The following ACACA variants were observed in gnomAD, a reference collection of about 807,000 sequenced individuals.
ACACA encodes acetyl-CoA carboxylase 1.
In ACACA, 103 loss-of-function variants were observed where a neutral mutation model predicts 296.1. That is an observed-to-expected ratio of 0.35 (90% CI 0.30 to 0.41). The LOEUF (loss-of-function observed/expected upper bound fraction) is 0.41. Ranked by LOEUF, ACACA falls within the 10% of genes least tolerant of loss-of-function variation. The probability of loss-of-function intolerance (pLI) is 1.00; values close to 1 mark genes in which losing one functional copy is unlikely to be tolerated. For missense variants in ACACA, 1,554 were observed against 2,989.7 expected, an observed-to-expected ratio of 0.52 and a Z score of 11.20; for synonymous variants, 953 against 1,038.6, an observed-to-expected ratio of 0.92 and a Z score of 1.58.
chr17:37,370,802 G>A lies in ACACA; in HGVS notation c.39-30952C>T, dbSNP rs958758903. ...AGTTCGAGACCAGGCCGGCCAACAT[G>A]GCGAAACCCCGTCTCTACTAAAAAT... is the stretch of plus-strand genomic sequence containing the variant. On this transcript the variant is annotated intron_variant, in intron 1 of 55. Coordinates refer to ENST00000616317, the MANE Select transcript of ACACA (RefSeq NM_198834.3). Among the ~76,000 whole-genome samples the A allele has an allele frequency of 3.9e-5, 6 of 152,044 alleles. No individual in the cohort carries two copies. In the East Asian group the frequency reaches 1.2e-3, roughly 30 times the overall value.
chr17:37,373,586 T>C (rs1281402995), intron 1 of ACACA, among the ~76,000 whole-genome samples: 1 of 152,042 alleles, frequency 6.6e-6, no homozygotes, highest in Non-Finnish European at 1.5e-5. Context: ...AAGAAAAGGG[T>C]AGGGTCTGCG....
At position 37,234,937 on chromosome 17, in the gene ACACA, A is replaced by G. The variant is rs1228251001; in HGVS notation, c.3246+38T>C. 4 of 1,612,372 alleles carry G rather than the reference A, an allele frequency of 2.5e-6. No homozygotes were observed. The Admixed American group carries it at 5.0e-5, about 20-fold the overall frequency. On this transcript the variant is annotated intron_variant, in intron 25 of 55. Coordinates refer to ENST00000616317, the MANE Select transcript of ACACA (RefSeq NM_198834.3). ...AGGAAAAAAATACTTTTTGCATATC[A>G]TTGACGGTCTTTACAAGTTCTGAAA... is the stretch of plus-strand genomic sequence containing the variant.
chr17:37,382,891 G>T (rs563766267), intron 1 of ACACA, among the ~76,000 whole-genome samples: 2 of 151,916 alleles, frequency 1.3e-5, no homozygotes, highest in Non-Finnish European at 2.9e-5. Context: ...AAAAAAATTA[G>T]CCAGGCATGG....
At chr17:37,245,348 A>G (rs945562322) in intron 19 of ACACA, 134 bp from the exon 20 acceptor site, 20 of 828,868 alleles carry the variant, frequency 2.4e-5, no homozygotes, top group South Asian at 6.1e-5. Context: ...GGAATTTACC[A>G]TCATCTCCTA....
Position 37,087,315 on chromosome 17 carries a change from C to T in ACACA, c.*1G>A. Reference sequence around the variant, plus strand: ...GGGCAGGGACAGGCAGGAAGCTCTTCCTACGTGGAAGGGGAATCCATTGTG... The same window carrying T: ...GGGCAGGGACAGGCAGGAAGCTCTTTCTACGTGGAAGGGGAATCCATTGTG... On this transcript the variant is annotated 3_prime_UTR_variant, in exon 56 of 56. Coordinates refer to ENST00000616317, the MANE Select transcript of ACACA (RefSeq NM_198834.3). 6.2e-7 allele frequency: 1 copy of T among 1,614,102 alleles called. No homozygotes were observed. The highest frequency in any genetic ancestry group is 8.5e-7 in the Non-Finnish European group (1 of 1,180,030).
At chr17:37,296,278 G>A (rs568845349) in intron 3 of ACACA, among the ~76,000 whole-genome samples, 1 of 150,412 alleles carries the variant, frequency 6.6e-6, no homozygotes, top group East Asian at 2.0e-4. Flanking sequence ...CAGAGTGGAA[G>A]GGGAAAGGCA....
At position 37,207,725 on chromosome 17, in the gene ACACA, G is replaced by A. The variant is rs1196459491; in HGVS notation, c.3783C>T (p.Asn1261=). The change falls in exon 31 of 56, where the codon AAC becomes AAT. Residue 1261 remains asparagine (N), a synonymous_variant. Coordinates refer to ENST00000616317, the MANE Select transcript of ACACA (RefSeq NM_198834.3). ...VASVSDVLLD[N]SFTPPCQRMG... ...TCCGCTGACAAGGTGGAGTGAATGA[G>A]TTGTCCAACAGTACATCGCTGACAC... The A allele has an allele frequency of 3.7e-6, 6 of 1,614,074 alleles. No individual in the cohort carries two copies. In the South Asian group the frequency reaches 5.5e-5, roughly 15 times the overall value.
At chr17:37,252,807 AT>A in intron 15 of ACACA, 78 bp downstream of exon 15, 1 of 1,573,208 alleles carries the variant, frequency 6.4e-7, no homozygotes, top group Non-Finnish European at 8.7e-7. Flanking sequence ...AATCAAATAA[AT>A]TTCATGTAGT....
At chr17:37,395,382 A>G (rs2051043604) in intron 1 of ACACA, among the ~76,000 whole-genome samples, 1 of 150,652 alleles carries the variant, frequency 6.6e-6, no homozygotes, top group Non-Finnish European at 1.5e-5. Flanking sequence ...GTGAGCTGAG[A>G]TCGTGTCACT....
intron 41 of ACACA, among the ~76,000 whole-genome samples, chr17:37,175,345 T>C (rs1368951347): frequency 6.6e-6 from 1 of 152,236 alleles, no homozygotes; most frequent in Non-Finnish European, 1.5e-5. Flanking sequence ...CAGGATTTAG[T>C]GCGAAAAGCA....
At chr17:37,135,192 A>G (rs2075280077) in intron 45 of ACACA, among the ~76,000 whole-genome samples, 1 of 152,270 alleles carries the variant, frequency 6.6e-6, no homozygotes, top group South Asian at 2.1e-4. Context: ...ATGTTTCTTC[A>G]GGAATATATC....
chr17:37,275,577 T>C (rs2082253757), intron 8 of ACACA, among the ~76,000 whole-genome samples: 1 of 151,624 alleles, frequency 6.6e-6, no homozygotes, highest in African/African-American at 2.4e-5. Flanking sequence ...AGGTTTTTCC[T>C]AGTGATCCAG....
At chr17:37,350,271 C>T (rs1398776064) in intron 1 of ACACA, among the ~76,000 whole-genome samples, 1 of 150,700 alleles carries the variant, frequency 6.6e-6, no homozygotes. Flanking sequence ...GTCGAGGCTG[C>T]AGTGAGCCAT....
chr17:37,247,545 T>C (rs2080773634), intron 18 of ACACA, among the ~76,000 whole-genome samples: 1 of 152,158 alleles, frequency 6.6e-6, no homozygotes, highest in Admixed American at 6.5e-5. Flanking sequence ...TTTTGTATTT[T>C]TAGTAGAGAC....
At chr17:37,259,284 T>C in intron 12 of ACACA, 76 bp downstream of exon 12, 1 of 1,537,630 alleles carries the variant, frequency 6.5e-7, no homozygotes, top group Non-Finnish European at 9.0e-7. Context: ...TTTTCTCTTA[T>C]CACACACTGG....
chr17:37,339,804 C>G lies in ACACA; in HGVS notation c.85G>C (p.Ala29Pro). ...ISTQTVRIIR[A>P]VRAHFGGIMD... is the part of the protein sequence containing the mutation. ...ACAAGGAGTATTATTTGTAACTGAC[C>G]TCTTATAATTCTTACTGTCTGAGTA... is the stretch of plus-strand genomic sequence containing the variant. The change falls in exon 2 of 56, where the codon GCT becomes CCT. Residue 29 changes from alanine to proline, a missense_variant and splice_region_variant. Transcript: ENST00000616317. 1 of 1,376,132 alleles carries G rather than the reference C, an allele frequency of 7.3e-7. No individual in the cohort carries two copies. Among genetic ancestry groups the G allele is most frequent in the Non-Finnish European group, 1.0e-6 (1 of 970,222 alleles). 85.2% of individuals were successfully genotyped at this position (1,376,132 alleles called of 1,614,324 possible).
At chr17:37,191,092 C>G (rs1476016543) in intron 38 of ACACA, 28 bp downstream of exon 38, 1 of 1,612,816 alleles carries the variant, frequency 6.2e-7, no homozygotes, top group African/African-American at 1.3e-5. Flanking sequence ...CTTGCTAGTG[C>G]TGGGAGAGAA....
At chr17:37,244,992 C>A in intron 20 of ACACA, 88 bp downstream of exon 20, 1 of 1,585,450 alleles carries the variant, frequency 6.3e-7, no homozygotes. Flanking sequence ...AAAACACTGG[C>A]AAACCAAGCA....
chr17:37,347,746 A>T (rs1442690907), intron 1 of ACACA, among the ~76,000 whole-genome samples: 10 of 116,002 alleles, frequency 8.6e-5, no homozygotes, highest in South Asian at 2.5e-4. Flanking sequence ...CTACTTACGT[A>T]AAAAAAAAAA....
Sources: allele counts gnomAD v4.1 joint callset (sites outside exome capture counted in the v4.1 genomes callset), GRCh38; gene constraint gnomAD v4.1.1; transcripts MANE v1.5; gene names NCBI Gene and HGNC (gene_info 2026-07-23, HGNC 2026-07-21).